TLL1: variants seen among roughly 807,000 people sequenced by gnomAD.
The protein encoded by TLL1 is tolloid like 1.
In TLL1, 49 loss-of-function variants were observed where a neutral mutation model predicts 128.2. That is an observed-to-expected ratio of 0.38 (90% confidence interval 0.30 to 0.48). The LOEUF is 0.48. Among genes scored for constraint, TLL1 ranks in the 20% least tolerant of loss-of-function variants. The probability of loss-of-function intolerance (pLI) is 0.96; values close to 1 mark genes in which losing one functional copy is unlikely to be tolerated. For missense variants in TLL1, 1,123 were observed against 1,242.0 expected, an observed-to-expected ratio of 0.90 and a Z score of 1.44; for synonymous variants, 454 against 418.8, an observed-to-expected ratio of 1.08 and a Z score of -1.03.
intron 17 of TLL1, 121 bp downstream of exon 17, chr4:166,075,124 G>T (rs76012333): frequency 0.035 from 48,806 of 1,401,942 alleles, 1,083 homozygotes; most frequent in African/African-American, 0.066. Flanking sequence ...CTATCCAAAT[G>T]TCAAAAAACA....
intron 1 of TLL1, among the ~76,000 whole-genome samples, chr4:165,903,785 A>G (rs976526237): frequency 6.6e-6 from 1 of 151,838 alleles, no homozygotes; most frequent in Admixed American, 6.6e-5. Context: ...AATAAATAAT[A>G]AGGCAGAAAG....
At chr4:165,916,918 T>C (rs148631755) in intron 1 of TLL1, among the ~76,000 whole-genome samples, 1 of 152,108 alleles carries the variant, frequency 6.6e-6, no homozygotes, top group African/African-American at 2.4e-5. Flanking sequence ...TTTGCAGGAT[T>C]ATTGGAACTC....
intron 9 of TLL1, among the ~76,000 whole-genome samples, chr4:166,028,878 G>T (rs917550752): frequency 6.6e-6 from 1 of 151,816 alleles, no homozygotes; most frequent in African/African-American, 2.4e-5. Context: ...TTTGTTTCAG[G>T]TATCCAATTC....
Position 165,873,731 on chromosome 4 carries a change from T to G in TLL1, c.-174T>G. ...TGGGGGTAACAGGCAGTGCTTGCCC[T>G]CTCTACTGTCCCGGCGGCATCCACA... On this transcript the variant is annotated 5_prime_UTR_variant, in exon 1 of 21. Coordinates refer to ENST00000061240, the MANE Select transcript of TLL1 (RefSeq NM_012464.5). 1 of 647,916 alleles carries G rather than the reference T, an allele frequency of 1.5e-6. No individual in the cohort carries two copies. The highest frequency in any genetic ancestry group is 2.7e-6 in the Non-Finnish European group (1 of 373,454). 40.1% of individuals were successfully genotyped at this position (647,916 alleles called of 1,614,324 possible).
intron 16 of TLL1, among the ~76,000 whole-genome samples, chr4:166,070,605 C>T (rs1740769277): frequency 6.6e-6 from 1 of 151,882 alleles, no homozygotes; most frequent in South Asian, 2.1e-4. Context: ...GGGACTTGCT[C>T]AAGGACAGAA....
rs1024470271 is a variant in TLL1 at position 165,873,590 on chromosome 4, G to C, written c.-315G>C. 3.7e-5 allele frequency: 8 copies of C among 216,860 alleles called. No individual in the cohort carries two copies. The highest frequency in any genetic ancestry group is 1.6e-4 in the African/African-American group (7 of 43,548). 13.4% of individuals were successfully genotyped at this position (216,860 alleles called of 1,614,324 possible). ...AGCCAGAAGGACGACCTGGCAGGCT[G>C]CGAGCGCCAGCGCCGCCAGAGCCGA... On this transcript the variant is annotated 5_prime_UTR_variant, in exon 1 of 21. Transcript: ENST00000061240.
intron 13 of TLL1, among the ~76,000 whole-genome samples, chr4:166,055,552 T>A (rs1019788218): frequency 6.6e-6 from 1 of 152,090 alleles, no homozygotes; most frequent in Non-Finnish European, 1.5e-5. Flanking sequence ...AAAGAAAATA[T>A]TTGCAATGAA....
chr4:165,998,751 T>G (rs1358572698), intron 5 of TLL1, among the ~76,000 whole-genome samples: 2 of 151,550 alleles, frequency 1.3e-5, no homozygotes, highest in African/African-American at 2.4e-5. Context: ...GAGCCGAGAT[T>G]GCACCACTGC....
intron 2 of TLL1, among the ~76,000 whole-genome samples, chr4:165,990,494 T>C (rs2111011462): frequency 6.6e-6 from 1 of 152,152 alleles, no homozygotes; most frequent in Middle Eastern, 3.4e-3. Flanking sequence ...GTTTTAAATA[T>C]ATCGAAATAT....
At chr4:166,064,911 T>A (rs1327740952) in intron 15 of TLL1, among the ~76,000 whole-genome samples, 1 of 152,120 alleles carries the variant, frequency 6.6e-6, no homozygotes, top group Non-Finnish European at 1.5e-5. Flanking sequence ...ATATGCATTG[T>A]TAAACCTTGC....
At chr4:166,066,540 A>G (rs1380877982) in intron 16 of TLL1, among the ~76,000 whole-genome samples, 2 of 151,856 alleles carry the variant, frequency 1.3e-5, no homozygotes, top group Non-Finnish European at 2.9e-5. Flanking sequence ...ATAGCAATCT[A>G]TTCTGTCTTT....
At chr4:166,088,887 G>T (rs556411302) in intron 18 of TLL1, among the ~76,000 whole-genome samples, 3 of 152,092 alleles carry the variant, frequency 2.0e-5, no homozygotes, top group Non-Finnish European at 4.4e-5. Flanking sequence ...TCATTAGGAA[G>T]AAAAATAGTC....
At chr4:166,030,606 CTG>C (rs1263504868) in intron 9 of TLL1, 1 of 613,420 alleles carries the variant, frequency 1.6e-6, no homozygotes, top group Non-Finnish European at 2.5e-6. Flanking sequence ...AGTTTTTACC[CTG>C]TGTTTTCTTC....
chr4:165,925,556 T>G (rs964980542), intron 1 of TLL1, among the ~76,000 whole-genome samples: 1 of 152,176 alleles, frequency 6.6e-6, no homozygotes. Context: ...TTTCTTGAGA[T>G]AGAATATACC....
chr4:165,984,048 G>A (rs536580963), intron 1 of TLL1, among the ~76,000 whole-genome samples: 1 of 151,882 alleles, frequency 6.6e-6, no homozygotes, highest in South Asian at 2.1e-4. Context: ...AAATGATAAT[G>A]TTTTAAATAA....
Position 165,885,599 on chromosome 4 carries a change from C to CA in TLL1, c.169+11536dup, listed in dbSNP as rs370552974. On this transcript the variant is annotated intron_variant, in intron 1 of 20. Transcript: ENST00000061240. ...TTACTTCTGAAAACAAACAAACAAA[C>CA]AAAAAAAAAACTACCAAAGAGTAGC... 2.2e-3 allele frequency among the ~76,000 whole-genome samples: 336 copies of CA among 149,444 alleles called. 4 individuals are homozygous for CA. In the East Asian group the frequency reaches 0.038, roughly 17 times the overall value.
At chr4:166,046,115 T>C (rs1421891559) in intron 12 of TLL1, among the ~76,000 whole-genome samples, 1 of 152,228 alleles carries the variant, frequency 6.6e-6, no homozygotes, top group Non-Finnish European at 1.5e-5. Flanking sequence ...CTGATCATTT[T>C]ATCTCCAGCA....
intron 1 of TLL1, among the ~76,000 whole-genome samples, chr4:165,884,160 CA>C (rs1313001547): frequency 6.6e-6 from 1 of 152,180 alleles, no homozygotes; most frequent in Non-Finnish European, 1.5e-5. Flanking sequence ...AAGTATGCCT[CA>C]CCTAGTATAG....
chr4:165,933,492 T>A (rs994725490), intron 1 of TLL1, among the ~76,000 whole-genome samples: 23 of 152,152 alleles, frequency 1.5e-4, no homozygotes, highest in African/African-American at 5.6e-4. Context: ...GTCCATTCCA[T>A]CCTGGCAGCC....
Sources: allele counts gnomAD v4.1 joint callset (sites outside exome capture counted in the v4.1 genomes callset), GRCh38; gene constraint gnomAD v4.1.1; transcripts MANE v1.5; gene names NCBI Gene and HGNC (gene_info 2026-07-23, HGNC 2026-07-21).